The following INPP4B variants were observed in gnomAD, a reference collection of about 807,000 sequenced individuals.
The protein encoded by INPP4B is inositol polyphosphate 4-phosphatase type II.
In INPP4B, 55 loss-of-function variants were observed where a neutral mutation model predicts 122.5. The ratio of observed to expected loss-of-function variants is 0.45; its 90% CI spans 0.36 to 0.56. The LOEUF (loss-of-function observed/expected upper bound fraction) is 0.56, where lower values mean the gene tolerates loss of function less well. Ranked by LOEUF, INPP4B falls within the 20% of genes least tolerant of loss-of-function variation. The pLI is 0.00. For synonymous variants in INPP4B, 403 were observed against 388.7 expected (o/e 1.04, Z -0.43); for missense variants, 1,000 against 1,097.7 (o/e 0.91, Z 1.26).
At chr4:142,446,624 C>T (rs949379375) in intron 3 of INPP4B, among the ~76,000 whole-genome samples, 2 of 152,106 alleles carry the variant, frequency 1.3e-5, no homozygotes, top group Non-Finnish European at 2.9e-5. Context: ...AAGTGTCCAT[C>T]AACAAGAAGG....
intron 2 of INPP4B, among the ~76,000 whole-genome samples, chr4:142,642,123 T>A: frequency 6.6e-6 from 1 of 152,250 alleles, no homozygotes; most frequent in East Asian, 1.9e-4. Flanking sequence ...TGTTTGTTTT[T>A]TTCTTGTAAA....
At chr4:142,290,321 C>G (rs551784700) in intron 9 of INPP4B, among the ~76,000 whole-genome samples, 1 of 150,122 alleles carries the variant, frequency 6.7e-6, no homozygotes, top group Non-Finnish European at 1.5e-5. Flanking sequence ...ATTCTCCTGC[C>G]TCAGCCTCCT....
chr4:142,228,627 GT>G (rs1230039298), intron 12 of INPP4B, among the ~76,000 whole-genome samples: 1 of 151,448 alleles, frequency 6.6e-6, no homozygotes, highest in Non-Finnish European at 1.5e-5. Context: ...TAACTAACAT[GT>G]TTACTGTTTA....
At chr4:142,560,756 A>C (rs1422828262) in intron 2 of INPP4B, 1 of 152,234 alleles carries the variant, frequency 6.6e-6, no homozygotes, top group African/African-American at 2.4e-5. Context: ...CTGCACTGAC[A>C]GCTGATTAGA....
intron 2 of INPP4B, among the ~76,000 whole-genome samples, chr4:142,619,746 G>A (rs1008321937): frequency 2.0e-5 from 3 of 151,908 alleles, no homozygotes; most frequent in African/African-American, 7.2e-5. Context: ...TGTTAAGAGG[G>A]CAGATCTCAT....
chr4:142,649,534 C>CT (rs1462229120), intron 2 of INPP4B, among the ~76,000 whole-genome samples: 1 of 151,934 alleles, frequency 6.6e-6, no homozygotes, highest in Non-Finnish European at 1.5e-5. Context: ...TTAAATGGAG[C>CT]TAAAAACCAT....
chr4:142,414,125 TA>T (rs1805177794), intron 5 of INPP4B, among the ~76,000 whole-genome samples: 1 of 152,200 alleles, frequency 6.6e-6, no homozygotes, highest in African/African-American at 2.4e-5. Context: ...GATTCACTTG[TA>T]AATTAAACTG....
At chr4:142,831,322 G>C (rs1782108708) in intron 1 of INPP4B, among the ~76,000 whole-genome samples, 1 of 152,200 alleles carries the variant, frequency 6.6e-6, no homozygotes, top group South Asian at 2.1e-4. Context: ...GGGCAGGCCA[G>C]ATATGGCTTT....
chr4:142,775,770 G>T (rs76391946), intron 1 of INPP4B, among the ~76,000 whole-genome samples: 1 of 152,048 alleles, frequency 6.6e-6, no homozygotes, highest in South Asian at 2.1e-4. Context: ...TTAGATAGAA[G>T]TCCATTATCA....
At chr4:142,482,283 T>C (rs1345062777) in intron 2 of INPP4B, among the ~76,000 whole-genome samples, 1 of 152,190 alleles carries the variant, frequency 6.6e-6, no homozygotes, top group Non-Finnish European at 1.5e-5. Flanking sequence ...TTGCTTCCTA[T>C]GTATGGTAAG....
At chr4:142,037,278 C>T (rs1393475552) in intron 25 of INPP4B, among the ~76,000 whole-genome samples, 2 of 152,054 alleles carry the variant, frequency 1.3e-5, no homozygotes, top group African/African-American at 2.4e-5. Flanking sequence ...GAGATATATC[C>T]GTAAATATAA....
chr4:142,498,142 C>CATA (rs967328624), intron 2 of INPP4B, among the ~76,000 whole-genome samples: 18 of 147,278 alleles, frequency 1.2e-4, no homozygotes, highest in African/African-American at 4.4e-4. Flanking sequence ...TATATGTATA[C>CATA]ATACATATGT....
At chr4:142,206,356 T>TC (rs1491354567) in intron 14 of INPP4B, among the ~76,000 whole-genome samples, 2 of 5,506 alleles carry the variant, frequency 3.6e-4, no homozygotes, top group Non-Finnish European at 1.2e-3. Context: ...TCTCTCTCTC[T>TC]TTTTTTTTTT....
chr4:142,614,028 C>A (rs983033572), intron 2 of INPP4B, among the ~76,000 whole-genome samples: 3 of 152,066 alleles, frequency 2.0e-5, no homozygotes, highest in Non-Finnish European at 4.4e-5. Flanking sequence ...AAATAAATAT[C>A]AAGATAAGTT....
In INPP4B at chr4:142,732,573, T is replaced by C. The variant is rs866509307; in HGVS notation, c.-253-6672A>G. On this transcript the variant is annotated intron_variant, in intron 1 of 25. Coordinates refer to ENST00000262992, the MANE Select transcript of INPP4B (RefSeq NM_001101669.3). ...ATGAACAAATAAAAAATAAGAATTA[T>C]AACATTTAAAAGAGAATTAAATATC... Among the ~76,000 whole-genome samples, 18 of 152,142 alleles carry C rather than the reference T, an allele frequency of 1.2e-4. No homozygotes were observed. In the South Asian group the frequency reaches 3.7e-3, roughly 31 times the overall value.
chr4:142,623,972 T>G (rs1478915691), intron 2 of INPP4B, among the ~76,000 whole-genome samples: 1 of 152,142 alleles, frequency 6.6e-6, no homozygotes, highest in African/African-American at 2.4e-5. Flanking sequence ...CTATCATTGT[T>G]GGACATTTGG....
intron 14 of INPP4B, among the ~76,000 whole-genome samples, chr4:142,201,233 C>G (rs1840489354): frequency 1.3e-5 from 2 of 152,046 alleles, no homozygotes; most frequent in South Asian, 4.1e-4. Context: ...AAGGAAACAG[C>G]TTTGTTCTCC....
At chr4:142,169,456 A>G (rs886429953) in intron 16 of INPP4B, among the ~76,000 whole-genome samples, 2 of 151,872 alleles carry the variant, frequency 1.3e-5, no homozygotes, top group South Asian at 2.1e-4. Context: ...AGTAATCAAC[A>G]TAACATTCTT....
At chr4:142,186,006 G>A (rs926974505) in intron 15 of INPP4B, among the ~76,000 whole-genome samples, 8 of 151,652 alleles carry the variant, frequency 5.3e-5, no homozygotes, top group African/African-American at 1.7e-4. Context: ...CCTTGCAAGC[G>A]CAGGTGGTTC....
Sources: gnomAD v4.1 joint callset for allele counts (sites outside exome capture counted in the v4.1 genomes callset) on GRCh38, gnomAD v4.1.1 for gene constraint, MANE v1.5 for transcripts, NCBI Gene and HGNC (gene_info 2026-07-23, HGNC 2026-07-21) for gene names.